The following USH2A variants were observed in gnomAD, a reference collection of about 807,000 sequenced individuals.
The protein encoded by USH2A is Usher syndrome 2A (autosomal recessive, mild).
Under a neutral mutation model 538.9 loss-of-function variants are expected in USH2A, and 443 were observed. The observed-to-expected ratio is 0.82, with a 90% CI of 0.76 to 0.89. The LOEUF (loss-of-function observed/expected upper bound fraction) is 0.89. USH2A is among the 40% of genes least tolerant of loss of function. USH2A has a pLI of 0.00. For missense variants in USH2A, 6,633 were observed against 6,324.8 expected (o/e 1.05, Z -1.65); for synonymous variants, 2,413 against 2,273.5 (o/e 1.06, Z -1.75).
chr1:215,956,586 C>T (rs1667074295), intron 37 of USH2A, among the ~76,000 whole-genome samples: 1 of 152,080 alleles, frequency 6.6e-6, no homozygotes, highest in African/African-American at 2.4e-5. Flanking sequence ...GCCATGAGGA[C>T]AATGAAATCC....
intron 3 of USH2A, among the ~76,000 whole-genome samples, chr1:216,394,825 T>A (rs529939989): frequency 4.9e-4 from 73 of 150,326 alleles, no homozygotes; most frequent in Non-Finnish European, 9.5e-4. Flanking sequence ...TTCACGCCAT[T>A]CTCCTGCCTC....
intron 32 of USH2A, among the ~76,000 whole-genome samples, chr1:216,038,949 C>T (rs916966525): frequency 2.0e-5 from 3 of 152,000 alleles, no homozygotes; most frequent in African/African-American, 4.8e-5. Flanking sequence ...CATTTACGAA[C>T]ATAATATTCC....
rs937806550 is a variant in USH2A at position 215,847,609 on chromosome 1, T to C, written c.8846-1576A>G. On this transcript the variant is annotated intron_variant, in intron 44 of 71. Coordinates refer to ENST00000307340, the MANE Select transcript of USH2A (RefSeq NM_206933.4). The stretch of plus-strand genomic sequence containing the variant: ...GTGGTGAGCTGAGATCGTGCCACTG[T>C]ACTCCAGGCTGGACAACAGAATGAG... 5.3e-5 allele frequency among the ~76,000 whole-genome samples: 8 copies of C among 150,980 alleles called. No homozygotes were observed. In the East Asian group the frequency reaches 1.2e-3, roughly 22 times the overall value.
intron 30 of USH2A, among the ~76,000 whole-genome samples, chr1:216,051,832 T>C (rs2030793855): frequency 6.6e-6 from 1 of 152,216 alleles, no homozygotes; most frequent in Non-Finnish European, 1.5e-5. Flanking sequence ...AGCTCTATGA[T>C]TGTACAATTT....
At chr1:216,356,930 A>G (rs910635590) in intron 4 of USH2A, among the ~76,000 whole-genome samples, 1 of 152,128 alleles carries the variant, frequency 6.6e-6, no homozygotes, top group Non-Finnish European at 1.5e-5. Flanking sequence ...TCGCTTTTCT[A>G]GTCCTTGCCA....
chr1:216,238,958 AAAT>A (rs1558336763), intron 13 of USH2A, among the ~76,000 whole-genome samples: 2 of 152,108 alleles, frequency 1.3e-5, no homozygotes, highest in Non-Finnish European at 2.9e-5. Flanking sequence ...TTAAATAAGT[AAAT>A]GAAAGCTTCA....
At chr1:216,236,978 C>T (rs1400264184) in intron 13 of USH2A, among the ~76,000 whole-genome samples, 1 of 152,078 alleles carries the variant, frequency 6.6e-6, no homozygotes. Flanking sequence ...ATAATGACAA[C>T]TCTGATTACA....
At chr1:215,891,032 G>A (rs534863525) in intron 40 of USH2A, among the ~76,000 whole-genome samples, 2 of 152,222 alleles carry the variant, frequency 1.3e-5, no homozygotes, top group East Asian at 3.9e-4. Context: ...CATCTTCAGG[G>A]AAAAGAAACA....
intron 47 of USH2A, among the ~76,000 whole-genome samples, chr1:215,837,581 C>G (rs1663567315): frequency 6.6e-6 from 1 of 152,072 alleles, no homozygotes; most frequent in South Asian, 2.1e-4. Context: ...ATTATCTGCC[C>G]TACTAATTTT....
chr1:216,159,973 AT>A (rs906084133), intron 21 of USH2A, among the ~76,000 whole-genome samples: 6 of 151,718 alleles, frequency 4.0e-5, no homozygotes, highest in African/African-American at 1.4e-4. Flanking sequence ...ATACATTATT[AT>A]TTTTTTTAAT....
At chr1:215,938,397 G>A (rs1046246475) in intron 37 of USH2A, among the ~76,000 whole-genome samples, 3 of 152,062 alleles carry the variant, frequency 2.0e-5, no homozygotes, top group African/African-American at 7.2e-5. Context: ...AGGAATTTGG[G>A]CTCCTCAATA....
intron 47 of USH2A, among the ~76,000 whole-genome samples, chr1:215,828,222 G>C (rs1186991766): frequency 6.6e-6 from 1 of 152,146 alleles, no homozygotes; most frequent in East Asian, 1.9e-4. Flanking sequence ...GGCCAAGGCG[G>C]GAGGATGACT....
chr1:216,085,250 T>G, intron 24 of USH2A: 1 of 252,444 alleles, frequency 4.0e-6, no homozygotes, highest in Non-Finnish European at 7.8e-6. Context: ...ATATATAGTT[T>G]ACAGTTTAGA....
intron 40 of USH2A, among the ~76,000 whole-genome samples, chr1:215,899,041 T>C (rs955309966): frequency 6.6e-6 from 1 of 152,204 alleles, no homozygotes; most frequent in Non-Finnish European, 1.5e-5. Context: ...TGGCTTTTTT[T>C]TGTAAAAATA....
intron 32 of USH2A, among the ~76,000 whole-genome samples, chr1:216,022,734 T>G (rs1252072517): frequency 6.6e-6 from 1 of 152,102 alleles, no homozygotes; most frequent in Non-Finnish European, 1.5e-5. Flanking sequence ...GAGGGGCATA[T>G]TAGAATCGAC....
chr1:216,078,402 G>A (rs753775186), intron 26 of USH2A, 40 bp from the exon 27 acceptor site: 2 of 1,593,636 alleles, frequency 1.3e-6, no homozygotes, highest in Non-Finnish European at 1.7e-6. Context: ...TATATAAAAA[G>A]GCTGCAGAAG....
rs145468090 is a variant in USH2A at position 215,877,839 on chromosome 1, G to A, written c.8600C>T (p.Ser2867Leu). 136 of 1,613,790 alleles carry A rather than the reference G, an allele frequency of 8.4e-5. No individual in the cohort carries two copies. In the African/African-American group the frequency reaches 1.7e-3, roughly 20 times the overall value. Residue 2867 changes from serine (S) to leucine (L), a missense_variant, in exon 43 of 72, where the codon TCA becomes TTA. Transcript: ENST00000307340. ...LRRKIQQPLA[S>L]NPPEDLNRWH... ...CCGATTTAAATCTTCTGGGGGATTTGATGCAAGTGGCTGCTGGATTTTACG... is the reference window on the plus strand; with the variant it reads ...CCGATTTAAATCTTCTGGGGGATTTAATGCAAGTGGCTGCTGGATTTTACG...
chr1:215,872,491 G>C (rs1664649047), intron 43 of USH2A, among the ~76,000 whole-genome samples: 1 of 152,094 alleles, frequency 6.6e-6, no homozygotes, highest in African/African-American at 2.4e-5. Flanking sequence ...TAATTTTGCA[G>C]TAATTTCCAT....
intron 60 of USH2A, among the ~76,000 whole-genome samples, chr1:215,731,213 G>A (rs1558073468): frequency 6.6e-6 from 1 of 152,164 alleles, no homozygotes; most frequent in Non-Finnish European, 1.5e-5. Context: ...TGAGTATTAT[G>A]TTGGCCTCAA....
Sources: gnomAD v4.1 joint callset for allele counts (sites outside exome capture counted in the v4.1 genomes callset) on GRCh38, gnomAD v4.1.1 for gene constraint, MANE v1.5 for transcripts, NCBI Gene and HGNC (gene_info 2026-07-23, HGNC 2026-07-21) for gene names.